The following RARB variants were observed in gnomAD, a reference collection of about 807,000 sequenced individuals.
RARB encodes HBV-activated protein.
In RARB, 17 loss-of-function variants were observed where a neutral mutation model predicts 51.9. That is an observed-to-expected ratio of 0.33 (90% CI 0.22 to 0.49). RARB has a LOEUF of 0.49. RARB is among the 20% of genes least tolerant of loss of function. The pLI is 0.99. For missense variants in RARB, 369 were observed against 550.8 expected, an observed-to-expected ratio of 0.67 and a Z score of 3.30; for synonymous variants, 215 against 195.4, an observed-to-expected ratio of 1.10 and a Z score of -0.84.
chr3:25,207,375 C>G (rs964252071), intron 5 of RARB, among the ~76,000 whole-genome samples: 1 of 152,168 alleles, frequency 6.6e-6, no homozygotes, highest in Non-Finnish European at 1.5e-5. Flanking sequence ...AAGTGGTCTG[C>G]TTTTCCCAAG....
intron 2 of RARB, among the ~76,000 whole-genome samples, chr3:24,956,517 T>C (rs767687047): frequency 6.6e-6 from 1 of 152,208 alleles, no homozygotes; most frequent in Non-Finnish European, 1.5e-5. Flanking sequence ...ACATTCTGCC[T>C]GGCTCTGAAA....
chr3:25,395,386 TC>T (rs1707087096), intron 5 of RARB, among the ~76,000 whole-genome samples: 5 of 152,300 alleles, frequency 3.3e-5, no homozygotes, highest in Admixed American at 2.6e-4. Flanking sequence ...TAGGTGATGA[TC>T]TTTTTTTGCA....
At chr3:25,021,813 T>A (rs370837273) in intron 2 of RARB, among the ~76,000 whole-genome samples, 36 of 152,268 alleles carry the variant, frequency 2.4e-4, no homozygotes, top group African/African-American at 8.4e-4. Flanking sequence ...CTCAGCCAAA[T>A]ATGGCTGGTC....
intron 2 of RARB, among the ~76,000 whole-genome samples, chr3:25,470,330 A>G (rs1273923837): frequency 6.6e-6 from 1 of 152,218 alleles, no homozygotes; most frequent in Non-Finnish European, 1.5e-5. Flanking sequence ...TTACAGGTAA[A>G]TGGTAAATAT....
intron 2 of RARB, among the ~76,000 whole-genome samples, chr3:25,481,499 C>G (rs1195202833): frequency 6.6e-6 from 1 of 152,198 alleles, no homozygotes; most frequent in Non-Finnish European, 1.5e-5. Flanking sequence ...CTTTTATAAC[C>G]TAAAAGGCAG....
upstream of RARB, among the ~76,000 whole-genome samples, chr3:25,427,134 G>A (rs1004609955): frequency 3.9e-5 from 6 of 152,208 alleles, no homozygotes; most frequent in Non-Finnish European, 7.3e-5. Context: ...GTGCAAGGAT[G>A]TGGGAACAGG....
At chr3:25,585,530 G>A (rs1701349679) in intron 5 of RARB, among the ~76,000 whole-genome samples, 1 of 152,172 alleles carries the variant, frequency 6.6e-6, no homozygotes, top group South Asian at 2.1e-4. Flanking sequence ...AAACCATGTG[G>A]GAACACAGCA....
chr3:25,494,542 T>C (rs1202439710), intron 2 of RARB, among the ~76,000 whole-genome samples: 1 of 152,238 alleles, frequency 6.6e-6, no homozygotes, highest in Non-Finnish European at 1.5e-5. Context: ...TTTCACTGTC[T>C]GCTTCCATAA....
At chr3:25,268,630 C>T (rs1245128881) in intron 5 of RARB, among the ~76,000 whole-genome samples, 1 of 152,134 alleles carries the variant, frequency 6.6e-6, no homozygotes, top group East Asian at 1.9e-4. Flanking sequence ...ACAAACATTC[C>T]TGGGAGGCTC....
At position 24,945,707 on chromosome 3, in the gene RARB, T is replaced by C. The variant is rs59668778; in HGVS notation, c.-380+86955T>C. 1.1e-4 allele frequency among the ~76,000 whole-genome samples: 17 copies of C among 152,372 alleles called. No homozygotes were observed. The East Asian group carries it at 2.5e-3, about 23-fold the overall frequency. On this transcript the variant is annotated intron_variant, in intron 2 of 11. Coordinates refer to the RARB transcript ENST00000383772. ...ATTTGATTGCTGAAGCATCTTTATA[T>C]GCTGGCCTCCAGCCAACAGAGAGCA...
intron 5 of RARB, among the ~76,000 whole-genome samples, chr3:25,191,995 G>A (rs904562662): frequency 1.1e-4 from 17 of 152,174 alleles, no homozygotes; most frequent in Admixed American, 2.6e-4. Flanking sequence ...ATCGAATCAC[G>A]GCAGTTATTC....
chr3:25,079,682 T>C (rs951207858), intron 3 of RARB, among the ~76,000 whole-genome samples: 4 of 152,174 alleles, frequency 2.6e-5, no homozygotes, highest in African/African-American at 9.7e-5. Context: ...ATGAATAACA[T>C]TGATTAATTT....
At chr3:25,198,676 G>T (rs537505324) in intron 5 of RARB, among the ~76,000 whole-genome samples, 211 of 152,014 alleles carry the variant, frequency 1.4e-3, no homozygotes, top group African/African-American at 4.8e-3. Context: ...TTGCGAACAG[G>T]TATATGGAAA....
intron 2 of RARB, among the ~76,000 whole-genome samples, chr3:24,889,070 A>G (rs1328371919): frequency 6.6e-6 from 1 of 152,214 alleles, no homozygotes; most frequent in African/African-American, 2.4e-5. Context: ...GAGGGCAGGA[A>G]GTGAGAGCAA....
At chr3:25,296,460 A>G (rs539625677) in intron 5 of RARB, among the ~76,000 whole-genome samples, 10 of 152,292 alleles carry the variant, frequency 6.6e-5, no homozygotes, top group South Asian at 2.1e-4. Flanking sequence ...CATCTGTAAC[A>G]TGTTGATTTT....
chr3:25,166,168 C>T (rs1204649751), intron 4 of RARB, among the ~76,000 whole-genome samples: 2 of 151,872 alleles, frequency 1.3e-5, no homozygotes, highest in African/African-American at 2.4e-5. Flanking sequence ...TCTTTTTGGC[C>T]AAATTCAAGT....
chr3:25,106,837 A>G (rs913378434), intron 3 of RARB, among the ~76,000 whole-genome samples: 2 of 152,100 alleles, frequency 1.3e-5, no homozygotes, highest in Admixed American at 1.3e-4. Flanking sequence ...TGCTGGAGCT[A>G]TGGCCCTATA....
At position 25,170,003 on chromosome 3, in the gene RARB, AAAAAAG is replaced by A. The variant is rs1260509144; in HGVS notation, c.-279-4112_-279-4107del. On this transcript the variant is annotated intron_variant, in intron 4 of 11. Coordinates refer to the RARB transcript ENST00000383772. ...ACCTTATTTCTTAAAAAAAAAAAAA[AAAAAAG>A]AAAGAAAAAAAAAAAGAAATTGAAG... 3.4e-4 allele frequency among the ~76,000 whole-genome samples: 40 copies of A among 117,866 alleles called. No homozygotes were observed. The South Asian group carries it at 3.9e-3, about 12-fold the overall frequency. 77.3% of individuals were successfully genotyped at this position (117,866 alleles called of 152,430 possible). A position where few individuals can be genotyped will look rare whatever the true frequency, so the allele number is the denominator to read the frequency against.
At chr3:25,523,574 A>G (rs1053575432) in intron 3 of RARB, among the ~76,000 whole-genome samples, 1 of 152,174 alleles carries the variant, frequency 6.6e-6, no homozygotes, top group African/African-American at 2.4e-5. Flanking sequence ...ATAGCATGCT[A>G]TTCTTTGGAG....
Sources: gnomAD v4.1 joint callset for allele counts (sites outside exome capture counted in the v4.1 genomes callset) on GRCh38, gnomAD v4.1.1 for gene constraint, MANE v1.5 for transcripts, NCBI Gene and HGNC (gene_info 2026-07-23, HGNC 2026-07-21) for gene names.